FBXW8: variants seen among roughly 807,000 people sequenced by gnomAD.
The protein encoded by FBXW8 is F-box and WD repeat domain containing 8.
FBXW8 carries 57 observed loss-of-function variants against 65.3 expected under a neutral mutation model. The observed-to-expected ratio is 0.87, with a 90% CI of 0.71 to 1.09. FBXW8 has a LOEUF of 1.09. FBXW8 is among the 50% of genes least tolerant of loss of function. The probability of loss-of-function intolerance (pLI) is 0.00; values close to 1 mark genes in which losing one functional copy is unlikely to be tolerated. For synonymous variants in FBXW8, 308 were observed against 330.2 expected, an observed-to-expected ratio of 0.93 and a Z score of 0.73; for missense variants, 777 against 814.8, an observed-to-expected ratio of 0.95 and a Z score of 0.57.
chr12:116,959,664 A>G (rs1476064048), intron 4 of FBXW8, among the ~76,000 whole-genome samples: 1 of 152,192 alleles, frequency 6.6e-6, no homozygotes, highest in East Asian at 1.9e-4. Flanking sequence ...CCTTAGTCCA[A>G]TAAGTAGTCT....
At position 116,988,717 on chromosome 12, in the gene FBXW8, G is replaced by A. The variant is rs755615235; in HGVS notation, c.1087G>A (p.Ala363Thr). 24 of 1,613,990 alleles carry A rather than the reference G, an allele frequency of 1.5e-5. No homozygotes were observed. The highest frequency in any genetic ancestry group is 1.1e-4 in the African/African-American group (8 of 74,868). Reference sequence around the variant, plus strand: ...CAGAAGGTACCCTGTGGCAGTAGCCGCTGCTGGAGATCTGATGTACCTGCT... The same window carrying A: ...CAGAAGGTACCCTGTGGCAGTAGCCACTGCTGGAGATCTGATGTACCTGCT... Reference protein sequence around the residue: ...ETRRYPVAVAAAGDLMYLLKA... With the variant: ...ETRRYPVAVATAGDLMYLLKA... Residue 363 changes from alanine (A) to threonine (T), a missense_variant, in exon 7 of 11, where the codon GCT (alanine) becomes ACT (threonine). Coordinates refer to ENST00000652555, the MANE Select transcript of FBXW8 (RefSeq NM_153348.3).
At chr12:117,011,189 C>T (rs1283602001) in intron 8 of FBXW8, among the ~76,000 whole-genome samples, 1 of 132,068 alleles carries the variant, frequency 7.6e-6, no homozygotes, top group African/African-American at 3.3e-5. Context: ...AGAGAGGTAG[C>T]ATGGCTGAGG....
rs999921103 is a variant in FBXW8, at chr12:116,955,042, G to GT, written c.677+5336_677+5337insT. 2.9e-4 allele frequency among the ~76,000 whole-genome samples: 44 copies of GT among 151,092 alleles called. 1 individual carries two copies. The highest frequency in any genetic ancestry group is 8.5e-4 in the South Asian group (4 of 4,712). On this transcript the variant is annotated intron_variant, in intron 4 of 10. Transcript: ENST00000652555. The stretch of plus-strand genomic sequence containing the variant: ...TGACTTTCCCCTCTTGAAATGGGGG[G>GT]GGGGGGCCCTGTATTAAGCATCTGT...
At chr12:116,985,481 G>A (rs1217141660) in intron 6 of FBXW8, 79 bp downstream of exon 6, 4 of 1,392,562 alleles carry the variant, frequency 2.9e-6, no homozygotes, top group African/African-American at 2.9e-5. Flanking sequence ...TAATGGTGTT[G>A]GTAACTCCCA....
intron 3 of FBXW8, 83 bp from the exon 4 acceptor site, chr12:116,949,535 G>T (rs2137355546): frequency 1.7e-6 from 2 of 1,187,416 alleles, no homozygotes; most frequent in Middle Eastern, 4.1e-4. Context: ...AATTGCTGTG[G>T]AAAGTAGGTG....
At chr12:116,968,911 G>A (rs1004418566) in intron 5 of FBXW8, among the ~76,000 whole-genome samples, 33 of 151,468 alleles carry the variant, frequency 2.2e-4, no homozygotes, top group African/African-American at 3.9e-4. Flanking sequence ...TGACAAGTTC[G>A]TCTTGGATTA....
chr12:116,976,094 G>T (rs567186675), intron 5 of FBXW8, among the ~76,000 whole-genome samples: 194 of 152,246 alleles, frequency 1.3e-3, no homozygotes, highest in Middle Eastern at 6.8e-3. Flanking sequence ...TAACATTTTT[G>T]TAAGTCTGAA....
chr12:117,022,370 A>AAC (rs1954119790), intron 8 of FBXW8, among the ~76,000 whole-genome samples: 1 of 151,446 alleles, frequency 6.6e-6, no homozygotes, highest in African/African-American at 2.4e-5. Flanking sequence ...AAAAAAAAAA[A>AAC]CAGGCTGGGT....
chr12:116,914,726 TTAGC>T (rs1216443532), intron 1 of FBXW8, among the ~76,000 whole-genome samples: 1 of 151,844 alleles, frequency 6.6e-6, no homozygotes, highest in Non-Finnish European at 1.5e-5. Flanking sequence ...AAATACAAAA[TTAGC>T]CAGGCATGGT....
chr12:116,917,414 T>G (rs566494149), intron 1 of FBXW8, among the ~76,000 whole-genome samples: 218 of 152,296 alleles, frequency 1.4e-3, no homozygotes, highest in African/African-American at 5.1e-3. Flanking sequence ...GCTGATCCAC[T>G]TGACATGAAT....
At chr12:116,979,570 CTTT>C (rs1885164480) in intron 5 of FBXW8, 1 of 152,240 alleles carries the variant, frequency 6.6e-6, no homozygotes, top group Non-Finnish European at 1.5e-5. Context: ...CCAGTTTCTT[CTTT>C]TGTCTGCATC....
At chr12:116,930,628 G>T (rs1200962347) in intron 2 of FBXW8, among the ~76,000 whole-genome samples, 1 of 151,988 alleles carries the variant, frequency 6.6e-6, no homozygotes, top group African/African-American at 2.4e-5. Context: ...TTCCTTTGCT[G>T]TACAAAAGCT....
intron 8 of FBXW8, among the ~76,000 whole-genome samples, chr12:117,017,304 C>T (rs1003041226): frequency 4.6e-5 from 7 of 152,190 alleles, no homozygotes; most frequent in Non-Finnish European, 8.8e-5. Context: ...CATCTAATGC[C>T]GGTCCAGAAA....
intron 7 of FBXW8, among the ~76,000 whole-genome samples, chr12:117,009,235 A>AAGAC (rs894860738): frequency 5.9e-5 from 9 of 152,022 alleles, no homozygotes; most frequent in Non-Finnish European, 1.0e-4. Flanking sequence ...AAAAGAAAGA[A>AAGAC]AGATATCATC....
intron 7 of FBXW8, among the ~76,000 whole-genome samples, chr12:117,008,950 C>T (rs746042440): frequency 6.6e-6 from 1 of 152,160 alleles, no homozygotes; most frequent in Non-Finnish European, 1.5e-5. Flanking sequence ...GCCTGTAGTC[C>T]CACCTACTCA....
At position 117,011,766 on chromosome 12, in the gene FBXW8, G is replaced by A. The variant is rs193095444; in HGVS notation, c.1367+1316G>A. ...GGATGGTGCTCAGAGTTTGCTTGCA[G>A]TGTGAACATTTATATCTTCAGCCAC... On this transcript the variant is annotated intron_variant, in intron 8 of 10. Coordinates refer to ENST00000652555, the MANE Select transcript of FBXW8 (RefSeq NM_153348.3). Among the ~76,000 whole-genome samples, 25 of 152,294 alleles carry A rather than the reference G, an allele frequency of 1.6e-4. No individual in the cohort carries two copies. In the East Asian group the frequency reaches 4.1e-3, roughly 25 times the overall value.
chr12:116,945,683 T>C lies in FBXW8; in HGVS notation c.588+155T>C, dbSNP rs138169354. ...AGCTGTTGGTGACTTGTTGCCCATT[T>C]TGTTCACCATTAGATGATCTGCCTC... On this transcript the variant is annotated intron_variant, in intron 3 of 10. Coordinates refer to ENST00000652555, the MANE Select transcript of FBXW8 (RefSeq NM_153348.3). 2.0e-4 allele frequency among the ~76,000 whole-genome samples: 30 copies of C among 152,332 alleles called. No individual in the cohort carries two copies. The East Asian group carries it at 4.8e-3, about 24-fold the overall frequency.
intron 2 of FBXW8, among the ~76,000 whole-genome samples, chr12:116,937,442 C>T (rs919018537): frequency 4.6e-5 from 7 of 152,110 alleles, no homozygotes; most frequent in African/African-American, 7.2e-5. Context: ...GGCAGAGGAC[C>T]GGGAAGGAGT....
chr12:117,027,353 AGT>A (rs1205326787), intron 9 of FBXW8, 39 bp from the exon 10 acceptor site: 1 of 1,512,714 alleles, frequency 6.6e-7, no homozygotes, highest in East Asian at 2.3e-5. Context: ...GTGCAGGCCC[AGT>A]GGACGCCCCC....
Sources: allele counts gnomAD v4.1 joint callset (sites outside exome capture counted in the v4.1 genomes callset), GRCh38; gene constraint gnomAD v4.1.1; transcripts MANE v1.5; gene names NCBI Gene and HGNC (gene_info 2026-07-23, HGNC 2026-07-21).